Variants in NELL1 observed in about 807,000 individuals in gnomAD.
NELL1 encodes neural EGFL like 1, also known as protein kinase C-binding protein NELL1.
NELL1 carries 76 observed loss-of-function variants against 107.4 expected under a neutral mutation model. The ratio of observed to expected loss-of-function variants is 0.71; its 90% CI spans 0.59 to 0.86. The LOEUF is 0.86. Ranked by LOEUF, NELL1 falls within the 40% of genes least tolerant of loss-of-function variation. NELL1 has a pLI of 0.00. For missense variants in NELL1, 1,024 were observed against 1,005.5 expected (o/e 1.02, Z -0.25); for synonymous variants, 353 against 341.2 (o/e 1.03, Z -0.38).
At chr11:20,841,713 C>G (rs1043860752) in intron 3 of NELL1, among the ~76,000 whole-genome samples, 3 of 152,100 alleles carry the variant, frequency 2.0e-5, no homozygotes, top group African/African-American at 7.2e-5. Flanking sequence ...TGAAGTTGCT[C>G]TGGTTAAAAA....
At chr11:21,017,687 A>G (rs948364002) in intron 12 of NELL1, among the ~76,000 whole-genome samples, 15 of 152,098 alleles carry the variant, frequency 9.9e-5, no homozygotes, top group African/African-American at 3.1e-4. Context: ...ATTCTATTCT[A>G]TACACCCTTA....
chr11:20,768,582 G>T (rs930683149), intron 2 of NELL1, among the ~76,000 whole-genome samples: 2 of 152,258 alleles, frequency 1.3e-5, no homozygotes, highest in African/African-American at 4.8e-5. Context: ...ATGTGATTAA[G>T]TTAAGGGTCT....
chr11:21,122,362 C>G (rs1855388339), intron 13 of NELL1, among the ~76,000 whole-genome samples: 1 of 152,192 alleles, frequency 6.6e-6, no homozygotes, highest in South Asian at 2.1e-4. Context: ...CAGCTCCACT[C>G]TATCCACATT....
intron 1 of NELL1, among the ~76,000 whole-genome samples, chr11:20,670,027 G>A: frequency 6.6e-6 from 1 of 152,318 alleles, no homozygotes; most frequent in Non-Finnish European, 1.5e-5. Context: ...AGTGAGGGGC[G>A]CGGCCGAGTA....
intron 15 of NELL1, among the ~76,000 whole-genome samples, chr11:21,456,500 G>T (rs907708439): frequency 6.6e-6 from 1 of 151,790 alleles, no homozygotes; most frequent in South Asian, 2.1e-4. Context: ...TTTATAAATT[G>T]TTGGGGATTT....
At chr11:21,553,013 T>C (rs1856627600) in intron 16 of NELL1, among the ~76,000 whole-genome samples, 1 of 151,906 alleles carries the variant, frequency 6.6e-6, no homozygotes. Context: ...CTCCTTTGTT[T>C]ACATTAAAAC....
chr11:20,742,848 A>G (rs577193465), intron 2 of NELL1, among the ~76,000 whole-genome samples: 48 of 152,188 alleles, frequency 3.2e-4, no homozygotes, highest in African/African-American at 9.2e-4. Context: ...TCCCTAACCC[A>G]TAGCAGTGCT....
At chr11:21,257,517 A>C (rs1565133686) in intron 14 of NELL1, among the ~76,000 whole-genome samples, 1 of 151,926 alleles carries the variant, frequency 6.6e-6, no homozygotes, top group Non-Finnish European at 1.5e-5. Flanking sequence ...TGATACAATA[A>C]ACTGGAATCT....
chr11:20,937,539 A>G (rs1177601936), intron 9 of NELL1, among the ~76,000 whole-genome samples: 2 of 152,248 alleles, frequency 1.3e-5, no homozygotes, highest in Admixed American at 6.5e-5. Flanking sequence ...TCCTTTGGCA[A>G]CTGTAACATT....
At chr11:21,413,167 C>T (rs982115527) in intron 15 of NELL1, among the ~76,000 whole-genome samples, 3 of 152,082 alleles carry the variant, frequency 2.0e-5, no homozygotes, top group African/African-American at 7.2e-5. Context: ...TGCCACGGTT[C>T]TCAGTATCAG....
chr11:20,853,515 TAGGGTTGTGGTAGGA>T, intron 4 of NELL1, among the ~76,000 whole-genome samples: 1 of 152,306 alleles, frequency 6.6e-6, no homozygotes, highest in Non-Finnish European at 1.5e-5. Context: ...TCTTCTACCA[TAGGGTTGTGGTAGGA>T]ATTTAGCTAG....
intron 14 of NELL1, among the ~76,000 whole-genome samples, chr11:21,349,777 A>G (rs1850762750): frequency 6.6e-6 from 1 of 152,078 alleles, no homozygotes; most frequent in African/African-American, 2.4e-5. Context: ...TAGCTTGGTG[A>G]CCTACTGTAG....
At chr11:21,041,174 G>A (rs1033731179) in intron 12 of NELL1, among the ~76,000 whole-genome samples, 1 of 152,150 alleles carries the variant, frequency 6.6e-6, no homozygotes, top group Non-Finnish European at 1.5e-5. Flanking sequence ...AGAAGGCTTG[G>A]TGGAAAGTCC....
At chr11:20,929,605 A>G (rs994479929) in intron 9 of NELL1, among the ~76,000 whole-genome samples, 4 of 152,170 alleles carry the variant, frequency 2.6e-5, no homozygotes, top group Non-Finnish European at 5.9e-5. Context: ...GTTTGATCCC[A>G]TGATGGAGAG....
intron 13 of NELL1, among the ~76,000 whole-genome samples, chr11:21,203,478 T>G (rs1388383991): frequency 1.4e-5 from 2 of 143,952 alleles, no homozygotes; most frequent in African/African-American, 5.1e-5. Flanking sequence ...TAAATATTCC[T>G]CCATCCTTTT....
chr11:20,943,130 G>A (rs1850891045), intron 10 of NELL1, among the ~76,000 whole-genome samples: 1 of 151,706 alleles, frequency 6.6e-6, no homozygotes, highest in Non-Finnish European at 1.5e-5. Context: ...GTGTGTGTGT[G>A]CATGTGTGAG....
At chr11:21,524,886 T>C (rs923555877) in intron 15 of NELL1, among the ~76,000 whole-genome samples, 3 of 152,030 alleles carry the variant, frequency 2.0e-5, no homozygotes, top group South Asian at 2.1e-4. Flanking sequence ...GGAATGACAG[T>C]GAGGAAGGAG....
At chr11:20,915,719 T>TATATATATATATATATATA (rs1332292027) in intron 5 of NELL1, among the ~76,000 whole-genome samples, 400 of 23,962 alleles carry the variant, frequency 0.017, no homozygotes, top group African/African-American at 0.027. Context: ...ATATATATAT[T>TATATATATATATATATATA]TTTTTTTTTT....
chr11:20,933,707 G>T (rs192888737), intron 9 of NELL1, among the ~76,000 whole-genome samples: 2 of 152,298 alleles, frequency 1.3e-5, no homozygotes, highest in East Asian at 3.9e-4. Context: ...GGGAAACCTT[G>T]TATCCACATC....
Sources: gnomAD v4.1 joint callset for allele counts (sites outside exome capture counted in the v4.1 genomes callset) on GRCh38, gnomAD v4.1.1 for gene constraint, MANE v1.5 for transcripts, NCBI Gene and HGNC (gene_info 2026-07-23, HGNC 2026-07-21) for gene names.